The following NFIA variants were observed in gnomAD, a reference collection of about 807,000 sequenced individuals.
NFIA encodes the protein nuclear factor I A.
A neutral mutation model predicts 62.8 loss-of-function variants in NFIA; 8 were observed. The observed-to-expected ratio is 0.13, with a 90% CI of 0.07 to 0.23. The LOEUF is 0.23. Ranked by LOEUF, NFIA falls within the 10% of genes least tolerant of loss-of-function variation. NFIA has a pLI of 1.00. For missense variants in NFIA, 410 were observed against 642.1 expected, an observed-to-expected ratio of 0.64 and a Z score of 3.91; for synonymous variants, 235 against 238.1, an observed-to-expected ratio of 0.99 and a Z score of 0.12.
At chr1:61,207,781 C>T (rs866033474) in intron 2 of NFIA, among the ~76,000 whole-genome samples, 29 of 152,130 alleles carry the variant, frequency 1.9e-4, no homozygotes, top group African/African-American at 7.0e-4. Flanking sequence ...TTTTGTTAGG[C>T]GTAGGCCCTT....
At chr1:61,358,658 G>A (rs1216184955) in intron 5 of NFIA, among the ~76,000 whole-genome samples, 3 of 152,076 alleles carry the variant, frequency 2.0e-5, no homozygotes, top group Non-Finnish European at 2.9e-5. Context: ...AAAGTCCTGG[G>A]ATTACAGGCT....
At chr1:61,132,370 A>T (rs1647096626) in intron 2 of NFIA, among the ~76,000 whole-genome samples, 1 of 152,208 alleles carries the variant, frequency 6.6e-6, no homozygotes, top group African/African-American at 2.4e-5. Context: ...CATCAGTTTC[A>T]GTATTCTTTT....
At chr1:61,328,615 TTC>T (rs1661095676) in intron 3 of NFIA, among the ~76,000 whole-genome samples, 2 of 151,910 alleles carry the variant, frequency 1.3e-5, no homozygotes, top group Admixed American at 1.3e-4. Flanking sequence ...GAGACAGGAT[TTC>T]TCTGTTAGTC....
intron 3 of NFIA, among the ~76,000 whole-genome samples, chr1:61,331,527 A>G (rs1211990338): frequency 6.6e-6 from 1 of 152,070 alleles, no homozygotes; most frequent in African/African-American, 2.4e-5. Flanking sequence ...GCATTTTCTC[A>G]AGGTATGTTT....
intron 10 of NFIA, among the ~76,000 whole-genome samples, chr1:61,444,694 T>A (rs1667730352): frequency 6.6e-6 from 1 of 152,200 alleles, no homozygotes; most frequent in African/African-American, 2.4e-5. Context: ...TCTTCTAGAA[T>A]AGCACAAATT....
intron 5 of NFIA, among the ~76,000 whole-genome samples, chr1:61,355,430 G>T (rs1359413786): frequency 6.6e-6 from 1 of 152,080 alleles, no homozygotes; most frequent in Admixed American, 6.5e-5. Context: ...ATTGGGATAC[G>T]ATACATTTTT....
At chr1:61,126,827 C>G (rs917699243) in intron 2 of NFIA, among the ~76,000 whole-genome samples, 6 of 136,842 alleles carry the variant, frequency 4.4e-5, no homozygotes, top group Non-Finnish European at 6.1e-5. Flanking sequence ...CTCTCTTGCC[C>G]AGGCTGGAGT....
At chr1:61,317,688 T>C (rs901621134) in intron 3 of NFIA, among the ~76,000 whole-genome samples, 4 of 152,214 alleles carry the variant, frequency 2.6e-5, no homozygotes, top group Non-Finnish European at 2.9e-5. Context: ...AGACAACTTT[T>C]ATAAGAATAC....
At chr1:61,146,136 A>C (rs953846378) in intron 2 of NFIA, among the ~76,000 whole-genome samples, 2 of 152,178 alleles carry the variant, frequency 1.3e-5, no homozygotes, top group African/African-American at 4.8e-5. Context: ...TCTTCACTGC[A>C]TCACTGCATT....
At chr1:61,277,803 A>G (rs564601544) in intron 3 of NFIA, among the ~76,000 whole-genome samples, 1 of 152,192 alleles carries the variant, frequency 6.6e-6, no homozygotes, top group Non-Finnish European at 1.5e-5. Flanking sequence ...AAACACTATT[A>G]GGGTGCCCAT....
upstream of NFIA, chr1:61,082,135 G>C: frequency 3.6e-6 from 4 of 1,108,010 alleles, no homozygotes; most frequent in African/African-American, 1.6e-5. Context: ...GCAGCCTATA[G>C]CTGCCCGGGA....
At chr1:61,275,567 GATGT>G (rs760898621) in intron 2 of NFIA, among the ~76,000 whole-genome samples, 6 of 152,134 alleles carry the variant, frequency 3.9e-5, no homozygotes, top group Non-Finnish European at 8.8e-5. Context: ...CATGGATAGA[GATGT>G]ATGTTTGCTA....
intron 2 of NFIA, among the ~76,000 whole-genome samples, chr1:61,179,360 C>T (rs1650599951): frequency 1.3e-5 from 2 of 152,178 alleles, no homozygotes; most frequent in African/African-American, 2.4e-5. Flanking sequence ...TGGAATCAGG[C>T]AGTCTGGGGT....
intron 6 of NFIA, among the ~76,000 whole-genome samples, chr1:61,367,763 A>G (rs1663667796): frequency 6.6e-6 from 1 of 152,190 alleles, no homozygotes; most frequent in Non-Finnish European, 1.5e-5. Flanking sequence ...CTAAAAGGTT[A>G]CCTCTTAGAG....
chr1:61,275,964 G>A (rs1012668402), intron 2 of NFIA, among the ~76,000 whole-genome samples: 1 of 151,832 alleles, frequency 6.6e-6, no homozygotes. Context: ...TCTAGGTTTT[G>A]TATTTTTGTA....
At chr1:61,388,665 C>G (rs1297183764) in intron 7 of NFIA, among the ~76,000 whole-genome samples, 1 of 152,190 alleles carries the variant, frequency 6.6e-6, no homozygotes, top group Non-Finnish European at 1.5e-5. Flanking sequence ...CCACATTGGG[C>G]AGCACAATTG....
At chr1:61,378,556 T>G (rs1366091921) in intron 6 of NFIA, among the ~76,000 whole-genome samples, 1 of 140,350 alleles carries the variant, frequency 7.1e-6, no homozygotes, top group Non-Finnish European at 1.5e-5. Context: ...TCATGTTTGT[T>G]TTCTGTACTG....
At chr1:61,139,340 A>G (rs1647326115) in intron 2 of NFIA, among the ~76,000 whole-genome samples, 1 of 152,218 alleles carries the variant, frequency 6.6e-6, no homozygotes, top group Non-Finnish European at 1.5e-5. Flanking sequence ...TAACTGAGGT[A>G]CAAGTATCTT....
chr1:61,107,818 T>G (rs986613821), intron 2 of NFIA, among the ~76,000 whole-genome samples: 3 of 151,678 alleles, frequency 2.0e-5, no homozygotes, highest in Non-Finnish European at 4.4e-5. Context: ...TTGTATTCCA[T>G]CCGGAATTTG....
Sources: allele counts gnomAD v4.1 joint callset (sites outside exome capture counted in the v4.1 genomes callset), GRCh38; gene constraint gnomAD v4.1.1; transcripts MANE v1.5; gene names NCBI Gene and HGNC (gene_info 2026-07-23, HGNC 2026-07-21).